Variants in NRG1 observed in about 807,000 individuals in gnomAD.
NRG1 encodes the protein pro-neuregulin-1, membrane-bound isoform.
A neutral mutation model predicts 63.8 loss-of-function variants in NRG1; 18 were observed. The observed-to-expected ratio is 0.28, with a 90% confidence interval of 0.19 to 0.42. The LOEUF (loss-of-function observed/expected upper bound fraction) is 0.42, where lower values mean the gene tolerates loss of function less well. NRG1 is among the 10% of genes least tolerant of loss of function. NRG1 has a pLI of 1.00. For missense variants in NRG1, 762 were observed against 814.7 expected (o/e 0.94, Z 0.79); for synonymous variants, 302 against 301.3 (o/e 1.00, Z -0.02).
At chr8:32,338,916 A>G (rs1444099497) in intron 1 of NRG1, among the ~76,000 whole-genome samples, 1 of 152,098 alleles carries the variant, frequency 6.6e-6, no homozygotes, top group Non-Finnish European at 1.5e-5. Flanking sequence ...GCCCTGGGGA[A>G]CTCAATCCCA....
At chr8:32,069,223 C>G (rs1045689607) in intron 1 of NRG1, among the ~76,000 whole-genome samples, 1 of 152,038 alleles carries the variant, frequency 6.6e-6, no homozygotes, top group Admixed American at 6.6e-5. Context: ...CAAATAATCC[C>G]CTACAGCAAG....
At chr8:31,971,492 C>T (rs552524684) in intron 1 of NRG1, among the ~76,000 whole-genome samples, 47 of 151,904 alleles carry the variant, frequency 3.1e-4, no homozygotes, top group Middle Eastern at 3.4e-3. Flanking sequence ...ATTTATAAAA[C>T]GTAAATGCTA....
intron 1 of NRG1, among the ~76,000 whole-genome samples, chr8:31,650,447 G>A (rs906874602): frequency 5.3e-5 from 8 of 152,046 alleles, no homozygotes; most frequent in African/African-American, 1.9e-4. Flanking sequence ...CCCTGAACAG[G>A]CCAGGCACTT....
chr8:32,743,596 A>ATATATATATATATATATATATATAT (rs58229077), intron 7 of NRG1, among the ~76,000 whole-genome samples: 11 of 143,900 alleles, frequency 7.6e-5, no homozygotes, highest in East Asian at 6.1e-4. Context: ...ATATATATAT[A>ATATATATATATATATATATATATAT]AAACTTAATA....
At chr8:32,438,441 C>T (rs146203271) in intron 1 of NRG1, among the ~76,000 whole-genome samples, 1 of 152,150 alleles carries the variant, frequency 6.6e-6, no homozygotes, top group African/African-American at 2.4e-5. Flanking sequence ...TTGAAAGATA[C>T]TTGGGTTGTT....
At chr8:32,548,703 G>C (rs1833446034) in exon 1 of NRG1, 1 of 1,562,506 alleles carries the variant, frequency 6.4e-7, no homozygotes, top group Admixed American at 2.0e-5. Flanking sequence ...AGCCGTCCGC[G>C]TAGAGCGCTC....
At chr8:32,020,897 G>T (rs1816327784) in intron 1 of NRG1, among the ~76,000 whole-genome samples, 1 of 151,998 alleles carries the variant, frequency 6.6e-6, no homozygotes. Context: ...TATATGAATT[G>T]CTTCTACTCT....
At chr8:32,492,304 G>T (rs1826685467) in intron 1 of NRG1, among the ~76,000 whole-genome samples, 1 of 152,048 alleles carries the variant, frequency 6.6e-6, no homozygotes, top group African/African-American at 2.4e-5. Flanking sequence ...GTTCTTGATA[G>T]ATTTACTTTC....
At chr8:31,906,193 C>T (rs1246760756) in intron 1 of NRG1, among the ~76,000 whole-genome samples, 1 of 152,162 alleles carries the variant, frequency 6.6e-6, no homozygotes, top group Non-Finnish European at 1.5e-5. Context: ...ACAGGATTAT[C>T]CACTTCCAAG....
intron 1 of NRG1, among the ~76,000 whole-genome samples, chr8:32,235,206 C>G (rs1190474201): frequency 9.1e-6 from 1 of 109,310 alleles, no homozygotes; most frequent in African/African-American, 3.5e-5. Flanking sequence ...CCAGCCTGGG[C>G]AATATGATGA....
At chr8:31,793,577 T>G (rs964784338) in intron 1 of NRG1, among the ~76,000 whole-genome samples, 1 of 152,232 alleles carries the variant, frequency 6.6e-6, no homozygotes, top group African/African-American at 2.4e-5. Context: ...TTGGAAAACC[T>G]TAGTAGTTAT....
intron 5 of NRG1, among the ~76,000 whole-genome samples, chr8:32,710,305 A>C (rs56122757): frequency 0.093 from 14,171 of 152,160 alleles, 691 homozygotes; most frequent in African/African-American, 0.11. Context: ...TTATAGAAAT[A>C]CTTTTTTTGT....
At chr8:32,206,380 A>G (rs1480374244) in intron 1 of NRG1, among the ~76,000 whole-genome samples, 1 of 152,164 alleles carries the variant, frequency 6.6e-6, no homozygotes, top group Non-Finnish European at 1.5e-5. Flanking sequence ...TACATGTTGG[A>G]TTAAAAGGAA....
chr8:32,690,063 T>C (rs1232621882), intron 5 of NRG1, among the ~76,000 whole-genome samples: 2 of 152,150 alleles, frequency 1.3e-5, no homozygotes, highest in Non-Finnish European at 2.9e-5. Flanking sequence ...TACACTTTGA[T>C]ATACCTTCAA....
chr8:32,709,776 G>A (rs916739141), intron 5 of NRG1, among the ~76,000 whole-genome samples: 1 of 152,066 alleles, frequency 6.6e-6, no homozygotes, highest in Non-Finnish European at 1.5e-5. Context: ...ATGTGTGCCT[G>A]TATTTCAAAT....
At chr8:32,489,111 G>T (rs1826239071) in intron 1 of NRG1, among the ~76,000 whole-genome samples, 1 of 152,158 alleles carries the variant, frequency 6.6e-6, no homozygotes, top group Admixed American at 6.5e-5. Context: ...GTATATGCTG[G>T]CCTATTTCCA....
intron 1 of NRG1, among the ~76,000 whole-genome samples, chr8:31,793,161 CA>C (rs1172281716): frequency 6.6e-6 from 1 of 151,974 alleles, no homozygotes; most frequent in Non-Finnish European, 1.5e-5. Context: ...TCTGTTTTTT[CA>C]AAATGTAAGG....
chr8:32,491,275 C>A (rs2129494794), intron 1 of NRG1, among the ~76,000 whole-genome samples: 1 of 152,180 alleles, frequency 6.6e-6, no homozygotes, highest in South Asian at 2.1e-4. Context: ...CGTAAATAAC[C>A]AATTTACAAG....
intron 1 of NRG1, among the ~76,000 whole-genome samples, chr8:32,418,602 G>A (rs1563437907): frequency 6.6e-6 from 1 of 151,802 alleles, no homozygotes; most frequent in Non-Finnish European, 1.5e-5. Flanking sequence ...TATTTATCAT[G>A]GCAGTTTTAA....
Sources: allele counts gnomAD v4.1 joint callset (sites outside exome capture counted in the v4.1 genomes callset), GRCh38; gene constraint gnomAD v4.1.1; transcripts MANE v1.5; gene names NCBI Gene and HGNC (gene_info 2026-07-23, HGNC 2026-07-21).